The following FGD5 variants were observed in gnomAD, a reference collection of about 807,000 sequenced individuals.
FGD5 encodes FYVE, RhoGEF and PH domain containing 5.
Under a neutral mutation model 133.4 loss-of-function variants are expected in FGD5, and 28 were observed. That is an observed-to-expected ratio of 0.21 (90% CI 0.16 to 0.29). The LOEUF is 0.29. Among genes scored for constraint, FGD5 ranks in the 10% least tolerant of loss-of-function variants. The pLI is 1.00. For synonymous variants in FGD5, 810 were observed against 776.5 expected, an observed-to-expected ratio of 1.04 and a Z score of -0.72; for missense variants, 1,858 against 1,895.2, an observed-to-expected ratio of 0.98 and a Z score of 0.36.
intron 1 of FGD5, among the ~76,000 whole-genome samples, chr3:14,834,615 G>C (rs1255080646): frequency 6.6e-6 from 1 of 152,172 alleles, no homozygotes; most frequent in Non-Finnish European, 1.5e-5. Context: ...CTTTTGATAA[G>C]AGCTATCTGT....
chr3:14,930,821 A>G (rs2038889141), intron 18 of FGD5: 1 of 152,010 alleles, frequency 6.6e-6, no homozygotes, highest in African/African-American at 2.4e-5. Context: ...GACATCTTAT[A>G]CTTCTATTAA....
chr3:14,822,814 T>A (rs1359141050), intron 1 of FGD5, among the ~76,000 whole-genome samples: 2 of 152,222 alleles, frequency 1.3e-5, no homozygotes, highest in Admixed American at 1.3e-4. Flanking sequence ...CCTACTCAGC[T>A]GTTGCTGCTA....
chr3:14,868,409 C>T (rs1392396839), intron 2 of FGD5, among the ~76,000 whole-genome samples: 1 of 152,248 alleles, frequency 6.6e-6, no homozygotes, highest in Non-Finnish European at 1.5e-5. Context: ...GAGCTCTGCT[C>T]TTGCCGGGCC....
chr3:14,851,155 A>G (rs558730205), intron 1 of FGD5, among the ~76,000 whole-genome samples: 1 of 62,486 alleles, frequency 1.6e-5, no homozygotes, highest in African/African-American at 6.6e-5. Context: ...TGCCTGTTGA[A>G]TTCAGACTGC....
chr3:14,845,627 A>G (rs1400445706), intron 1 of FGD5, among the ~76,000 whole-genome samples: 2 of 152,176 alleles, frequency 1.3e-5, no homozygotes, highest in African/African-American at 4.8e-5. Flanking sequence ...GAGTTTATCA[A>G]GACAGAGACC....
chr3:14,812,833 G>T (rs1357137697), intron 1 of FGD5, among the ~76,000 whole-genome samples: 1 of 152,244 alleles, frequency 6.6e-6, no homozygotes, highest in Non-Finnish European at 1.5e-5. Flanking sequence ...AAAGAACAGT[G>T]TCTGTAGCAG....
At chr3:14,885,422 G>T (rs148032025) in intron 4 of FGD5, among the ~76,000 whole-genome samples, 1 of 152,122 alleles carries the variant, frequency 6.6e-6, no homozygotes, top group Non-Finnish European at 1.5e-5. Flanking sequence ...CCTTCTGTCC[G>T]CAGGTGCAGT....
intron 4 of FGD5, among the ~76,000 whole-genome samples, chr3:14,887,780 A>G (rs995878042): frequency 1.3e-5 from 2 of 152,068 alleles, no homozygotes; most frequent in African/African-American, 4.8e-5. Context: ...GCCCAGAGGA[A>G]AATGTGTTGA....
intron 10 of FGD5, 30 bp downstream of exon 10, chr3:14,907,741 A>C (rs746932165): frequency 1.9e-6 from 3 of 1,608,794 alleles, no homozygotes; most frequent in South Asian, 2.2e-5. Flanking sequence ...GTAGGGGCAG[A>C]GGGTGGCTGG....
chr3:14,849,913 G>A (rs1483057598), intron 1 of FGD5, among the ~76,000 whole-genome samples: 2 of 152,190 alleles, frequency 1.3e-5, no homozygotes, highest in African/African-American at 4.8e-5. Flanking sequence ...AGTATTGGCT[G>A]GCTGTGTCTG....
chr3:14,828,462 G>A (rs1430374577), intron 1 of FGD5, among the ~76,000 whole-genome samples: 1 of 152,206 alleles, frequency 6.6e-6, no homozygotes, highest in African/African-American at 2.4e-5. Flanking sequence ...TGCAGACAGG[G>A]AGGAGGATTA....
chr3:14,895,596 CAG>C (rs1278322634), intron 4 of FGD5, among the ~76,000 whole-genome samples: 1 of 152,024 alleles, frequency 6.6e-6, no homozygotes, highest in Non-Finnish European at 1.5e-5. Flanking sequence ...TTTTATGAGA[CAG>C]GGTCTTGCTC....
intron 1 of FGD5, among the ~76,000 whole-genome samples, chr3:14,844,217 A>AATATATATATATAT (rs869290486): frequency 9.8e-5 from 2 of 20,378 alleles, no homozygotes; most frequent in African/African-American, 2.1e-4. Flanking sequence ...AAAAAAAAAA[A>AATATATATATATAT]ATATATATAT....
Position 14,933,305 on chromosome 3 carries a change from C to CCCA in FGD5, c.*143_*145dup. ...GCCTGACCTTTTTTGCTATAACCGCCCCACCACTCCCCTGCCCTTGCCAAC... is the reference window on the plus strand; with the variant it reads ...GCCTGACCTTTTTTGCTATAACCGCCCCACCACCACTCCCCTGCCCTTGCCAAC... On this transcript the variant is annotated 3_prime_UTR_variant, in exon 20 of 20. Coordinates refer to ENST00000285046, the MANE Select transcript of FGD5 (RefSeq NM_152536.4). 1.2e-6 allele frequency: 1 copy of CCCA among 822,834 alleles called. No individual in the cohort carries two copies. Among genetic ancestry groups the CCCA allele is most frequent in the Admixed American group, 2.0e-5 (1 of 49,540 alleles). The allele number at this position is 822,834 out of a possible 1,614,324, so 51.0% of individuals were successfully genotyped here. A position where few individuals can be genotyped will look rare whatever the true frequency, so the allele number is the denominator to read the frequency against.
intron 2 of FGD5, among the ~76,000 whole-genome samples, chr3:14,865,703 A>G (rs2037481095): frequency 6.6e-6 from 1 of 152,234 alleles, no homozygotes; most frequent in South Asian, 2.1e-4. Context: ...TTGAGGACAC[A>G]GAGGTTCTGA....
chr3:14,907,522 C>T (rs569490141), intron 9 of FGD5, 118 bp from the exon 10 acceptor site: 2 of 871,918 alleles, frequency 2.3e-6, no homozygotes, highest in South Asian at 1.8e-5. Context: ...GGATTTGGGG[C>T]AGGCCTTTCC....
At chr3:14,830,119 G>A (rs1442621919) in intron 1 of FGD5, among the ~76,000 whole-genome samples, 1 of 152,136 alleles carries the variant, frequency 6.6e-6, no homozygotes, top group African/African-American at 2.4e-5. Context: ...CTTTATATCT[G>A]CCTGTAAGCC....
At chr3:14,900,896 G>A in intron 8 of FGD5, 107 bp from the exon 9 acceptor site, 1 of 1,210,810 alleles carries the variant, frequency 8.3e-7, no homozygotes, top group South Asian at 1.2e-5. Flanking sequence ...AGGTCACCTA[G>A]GCAGTAGTGG....
chr3:14,849,706 T>C (rs2037121756), intron 1 of FGD5, among the ~76,000 whole-genome samples: 2 of 152,060 alleles, frequency 1.3e-5, no homozygotes, highest in African/African-American at 4.8e-5. Flanking sequence ...GAGGGGGAGC[T>C]CTGAAACCAC....
Sources: gnomAD v4.1 joint callset for allele counts (sites outside exome capture counted in the v4.1 genomes callset) on GRCh38, gnomAD v4.1.1 for gene constraint, MANE v1.5 for transcripts, NCBI Gene and HGNC (gene_info 2026-07-23, HGNC 2026-07-21) for gene names.